Variants in GALNT13 observed in about 807,000 individuals in gnomAD.
GALNT13 encodes polypeptide N-acetylgalactosaminyltransferase 13.
A neutral mutation model predicts 64.2 loss-of-function variants in GALNT13; 28 were observed. That is an observed-to-expected ratio of 0.44 (90% confidence interval 0.32 to 0.60). The LOEUF (loss-of-function observed/expected upper bound fraction) is 0.60, where lower values mean the gene tolerates loss of function less well. GALNT13 is among the 20% of genes least tolerant of loss of function. The pLI, the probability that GALNT13 is intolerant of heterozygous loss-of-function variation, is 0.05. For synonymous variants in GALNT13, 214 were observed against 224.6 expected (o/e 0.95, Z 0.42); for missense variants, 577 against 669.8 (o/e 0.86, Z 1.53).
At chr2:153,630,801 ATATATATT>A in the GALNT13 span, among the ~76,000 whole-genome samples, 82 of 17,218 alleles carry the variant, frequency 4.8e-3, 1 homozygote, top group South Asian at 0.018. Flanking sequence ...ATATATATAT[ATATATATT>A]TTTTTTTTTT....
the GALNT13 span, among the ~76,000 whole-genome samples, chr2:153,334,547 ATT>A: frequency 6.8e-6 from 1 of 147,878 alleles, no homozygotes; most frequent in Non-Finnish European, 1.5e-5. Flanking sequence ...AATGATAAAG[ATT>A]TTTTTTTTTT....
the GALNT13 span, among the ~76,000 whole-genome samples, chr2:153,213,777 T>C: frequency 6.6e-6 from 1 of 152,346 alleles, no homozygotes. Context: ...TCATGGATTT[T>C]TCTGAGGATG....
At chr2:154,243,667 A>G (rs1689619319) in intron 6 of GALNT13, among the ~76,000 whole-genome samples, 2 of 152,230 alleles carry the variant, frequency 1.3e-5, no homozygotes, top group Non-Finnish European at 2.9e-5. Flanking sequence ...GCAAATATTT[A>G]TAAACACTGG....
At chr2:153,758,124 A>G in the GALNT13 span, among the ~76,000 whole-genome samples, 17 of 152,104 alleles carry the variant, frequency 1.1e-4, no homozygotes. Flanking sequence ...CACTTTTTAC[A>G]TCAATTTTTA....
At chr2:153,100,984 G>C in the GALNT13 span, among the ~76,000 whole-genome samples, 1 of 141,120 alleles carries the variant, frequency 7.1e-6, no homozygotes. Context: ...AGCCAAGATC[G>C]TGCCACTGTG....
the GALNT13 span, among the ~76,000 whole-genome samples, chr2:153,296,465 AG>A: frequency 1.3e-5 from 2 of 152,214 alleles, no homozygotes; most frequent in Non-Finnish European, 2.9e-5. Flanking sequence ...CATAAATTCC[AG>A]GGTTTAATGT....
the GALNT13 span, among the ~76,000 whole-genome samples, chr2:153,413,194 C>G: frequency 6.6e-6 from 1 of 152,182 alleles, no homozygotes; most frequent in East Asian, 1.9e-4. Flanking sequence ...CATCCTGACC[C>G]TATACTTTGC....
intron 3 of GALNT13, among the ~76,000 whole-genome samples, chr2:154,113,346 G>A (rs1040673136): frequency 1.3e-5 from 2 of 152,182 alleles, no homozygotes; most frequent in Admixed American, 6.5e-5. Flanking sequence ...GATCTGTTGC[G>A]GAGCCTTCTC....
chr2:153,156,979 A>G, the GALNT13 span, among the ~76,000 whole-genome samples: 3 of 152,158 alleles, frequency 2.0e-5, no homozygotes, highest in Admixed American at 6.5e-5. Flanking sequence ...CTTCATCTCA[A>G]AAGAGTTGGA....
At chr2:153,395,169 T>C in the GALNT13 span, among the ~76,000 whole-genome samples, 1 of 152,094 alleles carries the variant, frequency 6.6e-6, no homozygotes. Context: ...AATCACAAAG[T>C]GATTATCCCT....
At chr2:154,168,376 A>G (rs1255403895) in intron 4 of GALNT13, among the ~76,000 whole-genome samples, 1 of 152,156 alleles carries the variant, frequency 6.6e-6, no homozygotes, top group Non-Finnish European at 1.5e-5. Flanking sequence ...ATTGGATGAG[A>G]TGCACCCACA....
At chr2:154,221,960 T>C (rs974204949) in intron 4 of GALNT13, among the ~76,000 whole-genome samples, 1 of 152,128 alleles carries the variant, frequency 6.6e-6, no homozygotes, top group Non-Finnish European at 1.5e-5. Flanking sequence ...TCCAAAATAG[T>C]TTTCATTTCT....
intron 2 of GALNT13, among the ~76,000 whole-genome samples, chr2:153,938,350 A>G (rs1042748110): frequency 6.6e-6 from 1 of 152,182 alleles, no homozygotes; most frequent in African/African-American, 2.4e-5. Flanking sequence ...CCATGAGAAA[A>G]AGAAAGTGTG....
At chr2:153,915,027 A>G (rs1052432678) in intron 2 of GALNT13, among the ~76,000 whole-genome samples, 9 of 152,002 alleles carry the variant, frequency 5.9e-5, no homozygotes, top group African/African-American at 2.2e-4. Flanking sequence ...ATGGGGCCCA[A>G]GCTCCTCCTG....
chr2:154,104,916 G>A (rs919423535), intron 3 of GALNT13, among the ~76,000 whole-genome samples: 18 of 152,164 alleles, frequency 1.2e-4, no homozygotes, highest in Non-Finnish European at 2.6e-4. Context: ...ATAACCACAC[G>A]TGTGCAAGCA....
the GALNT13 span, among the ~76,000 whole-genome samples, chr2:153,617,138 G>C: frequency 2.6e-5 from 4 of 151,936 alleles, no homozygotes; most frequent in Non-Finnish European, 4.4e-5. Flanking sequence ...ACGTTGTCAT[G>C]TTCCAGATTT....
chr2:153,427,455 T>C, the GALNT13 span, among the ~76,000 whole-genome samples: 1 of 151,678 alleles, frequency 6.6e-6, no homozygotes, highest in African/African-American at 2.4e-5. Context: ...AAACTGAGAA[T>C]AGAAGGAAGG....
At chr2:153,137,722 C>CA in the GALNT13 span, among the ~76,000 whole-genome samples, 2,723 of 105,388 alleles carry the variant, frequency 0.026, 42 homozygotes, top group Admixed American at 0.053. Flanking sequence ...GATGGAGCCT[C>CA]AAAAAAAAAA....
the GALNT13 span, among the ~76,000 whole-genome samples, chr2:153,717,509 A>G: frequency 1.3e-5 from 2 of 152,334 alleles, no homozygotes; most frequent in African/African-American, 4.8e-5. Flanking sequence ...CCTCAGAATA[A>G]AACCTTGTAC....
Sources: gnomAD v4.1 joint callset for allele counts (sites outside exome capture counted in the v4.1 genomes callset) on GRCh38, gnomAD v4.1.1 for gene constraint, MANE v1.5 for transcripts, NCBI Gene and HGNC (gene_info 2026-07-23, HGNC 2026-07-21) for gene names.